Variants in EXOC3L4 observed in about 807,000 individuals in gnomAD.
EXOC3L4 encodes the protein exocyst complex component 3 like 4.
In EXOC3L4, 62 loss-of-function variants were observed where a neutral mutation model predicts 69.7. The observed-to-expected ratio is 0.89, with a 90% confidence interval of 0.72 to 1.10. EXOC3L4 has a LOEUF of 1.10. Ranked by LOEUF, EXOC3L4 falls within the 50% of genes least tolerant of loss-of-function variation. The pLI is 0.00. For missense variants in EXOC3L4, 1,087 were observed against 1,034.8 expected (o/e 1.05, Z -0.69); for synonymous variants, 502 against 464.2 (o/e 1.08, Z -1.05).
chr14:103,107,533 C>T lies in EXOC3L4; in HGVS notation c.1691C>T (p.Pro564Leu), dbSNP rs370679627. ...GGTCATCTCCAGCGTGTGGCCCGGC[C>T]GCGGGCACAGGTACCACAAGGGGGA... is the stretch of plus-strand genomic sequence containing the variant. ...FAGHLQRVAR[P>L]RAQETLQEVH... Residue 564 changes from proline (P) to leucine (L), a missense_variant, in exon 9 of 12, where the codon CCG becomes CTG. Physicochemically the swap from Pro to Leu is moderately conservative, Grantham distance 98. Coordinates refer to ENST00000688303, the MANE Select transcript of EXOC3L4 (RefSeq NM_001077594.2). The T allele has an allele frequency of 8.1e-5, 130 of 1,613,580 alleles. 1 individual carries two copies. The highest frequency in any genetic ancestry group is 1.0e-4 in the Non-Finnish European group (122 of 1,180,012).
At chr14:103,106,671 C>A (rs1029746088) in intron 7 of EXOC3L4, 114 bp from the exon 8 acceptor site, 3 of 618,980 alleles carry the variant, frequency 4.8e-6, no homozygotes, top group African/African-American at 3.7e-5. Flanking sequence ...CAATGGGGAG[C>A]CCCACGGGCT....
intron 4 of EXOC3L4, 40 bp downstream of exon 4, chr14:103,104,092 G>T: frequency 6.6e-7 from 1 of 1,505,302 alleles, no homozygotes; most frequent in Non-Finnish European, 8.9e-7. Context: ...CCAGGCTGGA[G>T]GGGGCGGGCC....
At chr14:103,105,382 G>GTA (rs1195321128) in intron 7 of EXOC3L4, among the ~76,000 whole-genome samples, 1 of 151,666 alleles carries the variant, frequency 6.6e-6, no homozygotes, top group Non-Finnish European at 1.5e-5. Flanking sequence ...GTGTGTGTGT[G>GTA]TTGGAGCTAA....
intron 10 of EXOC3L4, among the ~76,000 whole-genome samples, chr14:103,108,012 G>A (rs770470113): frequency 6.6e-6 from 1 of 152,136 alleles, no homozygotes; most frequent in Non-Finnish European, 1.5e-5. Context: ...GGGAAGGGGC[G>A]AGGGTCACAG....
At chr14:103,106,663 A>G (rs1168509660) in intron 7 of EXOC3L4, 122 bp from the exon 8 acceptor site, 7 of 608,136 alleles carry the variant, frequency 1.2e-5, no homozygotes, top group East Asian at 2.9e-5. Context: ...GACAGCTACA[A>G]TGGGGAGCCC....
At position 103,104,720 on chromosome 14, in the gene EXOC3L4, G is replaced by C. The variant is rs1378029850; in HGVS notation, c.1285-18G>C. Reference sequence around the variant, plus strand: ...TCGGGGGCTGGGAGGCACGCTCAGTGCGGGGCTTCGCTCGCAGCTCGTGGC... The same window carrying C: ...TCGGGGGCTGGGAGGCACGCTCAGTCCGGGGCTTCGCTCGCAGCTCGTGGC... On this transcript the variant is annotated intron_variant, in intron 5 of 11. Transcript: ENST00000688303. 1.3e-6 allele frequency: 2 copies of C among 1,484,994 alleles called. No individual in the cohort carries two copies. Among genetic ancestry groups the C allele is most frequent in the African/African-American group, 2.8e-5 (2 of 70,898 alleles). 92.0% of individuals were successfully genotyped at this position (1,484,994 alleles called of 1,614,324 possible).
chr14:103,104,817 C>A lies in EXOC3L4; in HGVS notation c.1364C>A (p.Ala455Glu). 1 of 1,508,156 alleles carries A rather than the reference C, an allele frequency of 6.6e-7. No homozygotes were observed. The highest frequency in any genetic ancestry group is 8.9e-7 in the Non-Finnish European group (1 of 1,121,818). 93.4% of individuals were successfully genotyped at this position (1,508,156 alleles called of 1,614,324 possible). A position where few individuals can be genotyped will look rare whatever the true frequency, so the allele number is the denominator to read the frequency against. The change falls in exon 6 of 12, where the codon GCG (alanine) becomes GAG (glutamate). Residue 455 changes from alanine to glutamate, a missense_variant. By Grantham distance (107) the Ala-to-Glu change is moderately radical (BLOSUM62 -1). Transcript: ENST00000688303. ...ACCACCCTGCGAATCTGCACGCGGG[C>A]GCTCGGCCTCTTCGTGCCCAGGTGC... is the stretch of plus-strand genomic sequence containing the variant. Reference protein sequence around the residue: ...EATTLRICTRALGLFVPRFEK... With the variant: ...EATTLRICTRELGLFVPRFEK...
At chr14:103,105,253 GT>G (rs1595249436) in intron 7 of EXOC3L4, among the ~76,000 whole-genome samples, 181 bp downstream of exon 7, 1 of 151,620 alleles carries the variant, frequency 6.6e-6, no homozygotes, top group East Asian at 1.9e-4. Context: ...GTGTAGCAGA[GT>G]TGGGGGGTGT....
At chr14:103,099,821 G>A (rs1890072899) in intron 1 of EXOC3L4, among the ~76,000 whole-genome samples, 1 of 152,236 alleles carries the variant, frequency 6.6e-6, no homozygotes, top group Admixed American at 6.5e-5. Flanking sequence ...AGATGTGGCT[G>A]CTGGTCCTGC....
intron 3 of EXOC3L4, chr14:103,103,644 G>A (rs1333273562): frequency 5.2e-6 from 2 of 382,612 alleles, no homozygotes; most frequent in Non-Finnish European, 9.4e-6. Context: ...CCGTGCTGCG[G>A]GTTGGAGGGT....
intron 11 of EXOC3L4, among the ~76,000 whole-genome samples, chr14:103,109,119 C>A (rs962606481): frequency 6.7e-6 from 1 of 149,810 alleles, no homozygotes; most frequent in Non-Finnish European, 1.5e-5. Context: ...ACCCCGTTGG[C>A]CCCGTCACCC....
rs10144543 is a variant in EXOC3L4 at position 103,108,377 on chromosome 14, C to T, written c.1855-19C>T. The T allele has an allele frequency of 0.44, 701,956 of 1,609,996 alleles. 154,822 individuals carry two copies. The highest frequency in any genetic ancestry group is 0.6 in the East Asian group (26,811 of 44,828). The stretch of plus-strand genomic sequence containing the variant: ...GTGGGGAGAGGGCTGTTGGGGCAGG[C>T]GGTGGCTCTGTCTCGCAGGGTTCCG... On this transcript the variant is annotated intron_variant, in intron 10 of 11. Coordinates refer to ENST00000688303, the MANE Select transcript of EXOC3L4 (RefSeq NM_001077594.2).
intron 2 of EXOC3L4, 72 bp downstream of exon 2, chr14:103,100,685 T>TC: frequency 6.7e-7 from 1 of 1,482,440 alleles, no homozygotes; most frequent in Non-Finnish European, 9.0e-7. Context: ...AGCTGAGGTT[T>TC]CCGGAAAGGC....
chr14:103,105,425 G>A (rs1890492146), intron 7 of EXOC3L4, among the ~76,000 whole-genome samples: 1 of 151,688 alleles, frequency 6.6e-6, no homozygotes, highest in East Asian at 1.9e-4. Context: ...TAGGGGTGGA[G>A]CTGAGTGGTG....
At position 103,102,414 on chromosome 14, in the gene EXOC3L4, G is replaced by T. The variant is rs775808393; in HGVS notation, c.691G>T (p.Asp231Tyr). 1.3e-6 allele frequency: 2 copies of T among 1,532,810 alleles called. No individual in the cohort carries two copies. Among genetic ancestry groups the T allele is most frequent in the Non-Finnish European group, 1.7e-6 (2 of 1,148,348 alleles). 95.0% of individuals were successfully genotyped at this position (1,532,810 alleles called of 1,614,324 possible). Residue 231 changes from aspartate (D) to tyrosine (Y), a missense_variant, in exon 3 of 12, where the codon GAC becomes TAC. Physicochemically the swap from Asp to Tyr is radical, Grantham distance 160. Coordinates refer to ENST00000688303, the MANE Select transcript of EXOC3L4 (RefSeq NM_001077594.2). ...GGAAGCCCACCCTTCTCCCCCCGAC[G>T]ACGGCGACTTCCTGCGCACGCCGCG... ...EEEAHPSPPD[D>Y]GDFLRTPRRW...
Position 103,100,253 on chromosome 14 carries a change from G to A in EXOC3L4, c.34G>A (p.Glu12Lys). 7 of 1,579,876 alleles carry A rather than the reference G, an allele frequency of 4.4e-6. No homozygotes were observed. The highest frequency in any genetic ancestry group is 6.0e-6 in the Non-Finnish European group (7 of 1,161,884). Residue 12 changes from glutamate to lysine, a missense_variant, in exon 2 of 12, where the codon GAG becomes AAG. Transcript: ENST00000688303. ...PSPQTDTPGPELQSPKEAEEP... is the reference protein window; with the variant it reads ...PSPQTDTPGPKLQSPKEAEEP... ...ACCACAGACAGACACTCCTGGGCCGGAGCTGCAGAGTCCCAAGGAGGCTGA... is the reference window on the plus strand; with the variant it reads ...ACCACAGACAGACACTCCTGGGCCGAAGCTGCAGAGTCCCAAGGAGGCTGA...
At position 103,104,684 on chromosome 14, in the gene EXOC3L4, G is replaced by A. The variant is rs1890431480; in HGVS notation, c.1285-54G>A. On this transcript the variant is annotated intron_variant, in intron 5 of 11. Transcript: ENST00000688303. ...CGCAGCGGGGGCTACCAGGGGACCC[G>A]CGGCCTCAGGTCGGGGGCTGGGAGG... The A allele has an allele frequency of 3.6e-6, 5 of 1,395,436 alleles. No individual in the cohort carries two copies. In the South Asian group the frequency reaches 7.5e-5, roughly 21 times the overall value. 86.4% of individuals were successfully genotyped at this position (1,395,436 alleles called of 1,614,324 possible).
In EXOC3L4 at chr14:103,100,040, G is replaced by C. The variant is rs1446113904; in HGVS notation, c.-16-164G>C. 5.7e-6 allele frequency: 4 copies of C among 707,802 alleles called. No individual in the cohort carries two copies. In the Admixed American group the frequency reaches 1.2e-4, roughly 22 times the overall value. The allele number at this position is 707,802 out of a possible 1,614,324, so 43.8% of individuals were successfully genotyped here. A position where few individuals can be genotyped will look rare whatever the true frequency, so the allele number is the denominator to read the frequency against. ...GCCCAGCTGCGGCCTGGCACACTGA[G>C]GGCTCTCGCCAAGAGAGTGGCCTGG... is the stretch of plus-strand genomic sequence containing the variant. On this transcript the variant is annotated intron_variant, in intron 1 of 11. Coordinates refer to ENST00000688303, the MANE Select transcript of EXOC3L4 (RefSeq NM_001077594.2).
chr14:103,109,889 C>T (rs1306988283), intron 11 of EXOC3L4, 142 bp from the exon 12 acceptor site: 12 of 899,404 alleles, frequency 1.3e-5, no homozygotes, highest in Admixed American at 2.9e-5. Flanking sequence ...CTCTTCCTGG[C>T]CTCAGTCAAT....
Sources: gnomAD v4.1 joint callset for allele counts (sites outside exome capture counted in the v4.1 genomes callset) on GRCh38, gnomAD v4.1.1 for gene constraint, MANE v1.5 for transcripts, NCBI Gene and HGNC (gene_info 2026-07-23, HGNC 2026-07-21) for gene names.